Variants in IGSF10 observed in about 807,000 individuals in gnomAD.
IGSF10 encodes the protein calvaria mechanical force protein 608.
A neutral mutation model predicts 128.2 loss-of-function variants in IGSF10; 126 were observed. The ratio of observed to expected loss-of-function variants is 0.98; its 90% CI spans 0.85 to 1.14. IGSF10 has a LOEUF of 1.14. Among genes scored for constraint, IGSF10 ranks in the 50% most tolerant of loss-of-function variants. The pLI is 0.00. For missense variants in IGSF10, 3,295 were observed against 3,149.8 expected (o/e 1.05, Z -1.10); for synonymous variants, 1,185 against 1,146.2 (o/e 1.03, Z -0.68).
the IGSF10 span, among the ~76,000 whole-genome samples, chr3:151,529,681 C>T: frequency 1.3e-5 from 2 of 152,064 alleles, no homozygotes; most frequent in African/African-American, 2.4e-5. Flanking sequence ...AAAAGGACGT[C>T]CACTCAGAGA....
chr3:151,593,260 A>G, the IGSF10 span, among the ~76,000 whole-genome samples: 7 of 152,246 alleles, frequency 4.6e-5, no homozygotes, highest in African/African-American at 1.7e-4. Context: ...ACACAGGCAC[A>G]GACAACCATA....
At chr3:151,497,218 G>A in the IGSF10 span, among the ~76,000 whole-genome samples, 2 of 151,872 alleles carry the variant, frequency 1.3e-5, no homozygotes, top group African/African-American at 4.8e-5. Flanking sequence ...TGTTGCCATT[G>A]CTTTTGGTGT....
At chr3:151,526,261 T>C in the IGSF10 span, among the ~76,000 whole-genome samples, 1 of 151,980 alleles carries the variant, frequency 6.6e-6, no homozygotes, top group African/African-American at 2.4e-5. Flanking sequence ...TTGGATTGTC[T>C]AAGGCTGGAA....
At chr3:151,596,381 G>C in the IGSF10 span, among the ~76,000 whole-genome samples, 205 of 152,042 alleles carry the variant, frequency 1.3e-3, no homozygotes, top group African/African-American at 4.6e-3. Flanking sequence ...GCTTGACAAA[G>C]GATAAACAAA....
chr3:151,526,098 A>C, the IGSF10 span, among the ~76,000 whole-genome samples: 1 of 152,336 alleles, frequency 6.6e-6, no homozygotes, highest in South Asian at 2.1e-4. Context: ...CTATTTATCT[A>C]GCACATAACC....
chr3:151,498,985 G>A, the IGSF10 span, among the ~76,000 whole-genome samples: 2 of 151,922 alleles, frequency 1.3e-5, no homozygotes, highest in Non-Finnish European at 2.9e-5. Context: ...TCTAACAAAT[G>A]TTTACCTTTA....
chr3:151,493,945 G>A, the IGSF10 span, among the ~76,000 whole-genome samples: 1 of 151,894 alleles, frequency 6.6e-6, no homozygotes, highest in Non-Finnish European at 1.5e-5. Context: ...ATTTTAGGGG[G>A]TAATTTGTTA....
At chr3:151,434,503 T>C (rs1033423691), downstream of IGSF10, 5 of 123,872 alleles carry the variant, frequency 4.0e-5, no homozygotes, top group African/African-American at 1.5e-4. Context: ...ACTAAATTAA[T>C]AGTCTATCTG....
chr3:151,451,756 T>C (rs1362043393), intron 5 of IGSF10, among the ~76,000 whole-genome samples: 1 of 152,222 alleles, frequency 6.6e-6, no homozygotes, highest in Non-Finnish European at 1.5e-5. Flanking sequence ...TTAAAATGTT[T>C]CAATTAAGAT....
upstream of IGSF10, among the ~76,000 whole-genome samples, chr3:151,464,150 C>T (rs1163921524): frequency 2.6e-5 from 4 of 152,170 alleles, no homozygotes; most frequent in Non-Finnish European, 2.9e-5. Context: ...AATCTGAACT[C>T]CTAAACCTGT....
At chr3:151,454,095 G>A (rs867171504) in intron 4 of IGSF10, among the ~76,000 whole-genome samples, 7 of 146,964 alleles carry the variant, frequency 4.8e-5, no homozygotes, top group African/African-American at 1.8e-4. Flanking sequence ...TCTGCTTACT[G>A]CAACCTCCGC....
rs143471166 is a variant in IGSF10 at position 151,443,765 on chromosome 3, G to T, written c.5182C>A (p.Leu1728Met). ...ACATGAAGGTGGTCTGTGCCAAACA[G>T]ATTGGATGCGGAACACAAGTACTGT... ...RGQYLCSASN[L>M]FGTDHLHVTL... The change falls in exon 7 of 8, where the codon CTG becomes ATG. Residue 1728 changes from leucine to methionine, a missense_variant. Coordinates refer to ENST00000282466, the MANE Select transcript of IGSF10 (RefSeq NM_178822.5). The T allele has an allele frequency of 6.2e-7, 1 of 1,614,202 alleles. No individual in the cohort carries two copies. Among genetic ancestry groups the T allele is most frequent in the Non-Finnish European group, 8.5e-7 (1 of 1,180,042 alleles).
the IGSF10 span, among the ~76,000 whole-genome samples, chr3:151,601,754 A>G: frequency 6.6e-6 from 1 of 152,222 alleles, no homozygotes; most frequent in Non-Finnish European, 1.5e-5. Flanking sequence ...GGTAAATACA[A>G]CTGGTAATAG....
At chr3:151,483,696 G>A in the IGSF10 span, among the ~76,000 whole-genome samples, 1 of 152,182 alleles carries the variant, frequency 6.6e-6, no homozygotes. Context: ...GCCTCACCCA[G>A]GAAGCACAAG....
At chr3:151,531,392 GCAC>G in the IGSF10 span, among the ~76,000 whole-genome samples, 2 of 152,126 alleles carry the variant, frequency 1.3e-5, no homozygotes, top group Non-Finnish European at 2.9e-5. Flanking sequence ...ATTCTTCTCA[GCAC>G]CACATCACCC....
intron 3 of IGSF10, 103 bp downstream of exon 3, chr3:151,458,413 A>T: frequency 1.2e-6 from 1 of 849,704 alleles, no homozygotes; most frequent in Non-Finnish European, 1.7e-6. Flanking sequence ...AAATATTGTT[A>T]AAACAATTGA....
the IGSF10 span, among the ~76,000 whole-genome samples, chr3:151,473,121 C>T: frequency 0.89 from 135,762 of 152,254 alleles, 60,842 homozygotes; most frequent in East Asian, 1. Context: ...CTTATGTGTT[C>T]TTCTGTTTTC....
In IGSF10 at chr3:151,444,920, T is replaced by C. The variant is rs1340325946; in HGVS notation, c.5061A>G (p.Ser1687=). Residue 1687 remains serine (S), a splice_region_variant and synonymous_variant, in exon 6 of 8, where the codon TCA becomes TCG. Coordinates refer to ENST00000282466, the MANE Select transcript of IGSF10 (RefSeq NM_178822.5). ...LPTIHWTRVP[S]GLDLSKRKQN... ...GTGTAAAGAAAAAGTTTCACATACCTGATGGGACTCTGGTCCAATGAATGG... is the reference window on the plus strand; with the variant it reads ...GTGTAAAGAAAAAGTTTCACATACCCGATGGGACTCTGGTCCAATGAATGG... 2 of 1,590,994 alleles carry C rather than the reference T, an allele frequency of 1.3e-6. No individual in the cohort carries two copies. Among genetic ancestry groups the C allele is most frequent in the Non-Finnish European group, 1.7e-6 (2 of 1,171,900 alleles).
chr3:151,555,802 G>A, the IGSF10 span, among the ~76,000 whole-genome samples: 8 of 152,280 alleles, frequency 5.3e-5, no homozygotes, highest in Admixed American at 2.0e-4. Context: ...GATAGAGCAC[G>A]CAGCCCCCCA....
Sources: allele counts gnomAD v4.1 joint callset (sites outside exome capture counted in the v4.1 genomes callset), GRCh38; gene constraint gnomAD v4.1.1; transcripts MANE v1.5; gene names NCBI Gene and HGNC (gene_info 2026-07-23, HGNC 2026-07-21).